NPNT: variants seen among roughly 807,000 people sequenced by gnomAD.
NPNT encodes the protein preosteoblast EGF-like repeat protein with MAM domain.
Under a neutral mutation model 68.6 loss-of-function variants are expected in NPNT, and 45 were observed. The observed-to-expected ratio is 0.66, with a 90% CI of 0.52 to 0.84. The LOEUF (loss-of-function observed/expected upper bound fraction) is 0.84, where lower values mean the gene tolerates loss of function less well. Ranked by LOEUF, NPNT falls within the 40% of genes least tolerant of loss-of-function variation. The pLI is 0.00. For missense variants in NPNT, 672 were observed against 714.8 expected, an observed-to-expected ratio of 0.94 and a Z score of 0.68; for synonymous variants, 233 against 253.3, an observed-to-expected ratio of 0.92 and a Z score of 0.76.
At position 105,946,736 on chromosome 4, in the gene NPNT, C is replaced by G. The variant is rs565233958; in HGVS notation, c.1159+4034C>G. Among the ~76,000 whole-genome samples, 108 of 152,224 alleles carry G rather than the reference C, an allele frequency of 7.1e-4. 1 individual carries two copies. The South Asian group carries it at 0.015, about 20-fold the overall frequency. ...ATCACATGCTTCTGAGGAAACAGGACAAGGGCAAAATCACAAACTCCTGAT... is the reference window on the plus strand; with the variant it reads ...ATCACATGCTTCTGAGGAAACAGGAGAAGGGCAAAATCACAAACTCCTGAT... On this transcript the variant is annotated intron_variant, in intron 8 of 11. Coordinates refer to ENST00000379987, the MANE Select transcript of NPNT (RefSeq NM_001033047.3).
intron 3 of NPNT, 34 bp downstream of exon 3, chr4:105,927,462 A>G (rs1351264554): frequency 7.8e-7 from 1 of 1,285,898 alleles, no homozygotes; most frequent in Non-Finnish European, 1.1e-6. Context: ...TACACAATCG[A>G]AGACACCTCT....
At chr4:105,920,395 T>TAAAAAAAAAAAAAAAAAA (rs11355483) in intron 2 of NPNT, among the ~76,000 whole-genome samples, 7 of 79,506 alleles carry the variant, frequency 8.8e-5, no homozygotes, top group African/African-American at 2.1e-4. Context: ...GTTACTCTAC[T>TAAAAAAAAAAAAAAAAAA]AAAAAAAAAA....
chr4:105,955,211 T>C (rs1346880866), intron 8 of NPNT, among the ~76,000 whole-genome samples: 2 of 152,206 alleles, frequency 1.3e-5, no homozygotes, highest in Non-Finnish European at 2.9e-5. Context: ...TTAAGTTGAA[T>C]ATTAGCCAAA....
chr4:105,950,898 C>T (rs1730779698), intron 8 of NPNT, among the ~76,000 whole-genome samples: 2 of 152,240 alleles, frequency 1.3e-5, no homozygotes, highest in Admixed American at 6.5e-5. Flanking sequence ...GCTGCGATTA[C>T]AGGCGTGAGG....
chr4:105,921,792 T>C (rs1432259454), intron 2 of NPNT, among the ~76,000 whole-genome samples: 6 of 152,182 alleles, frequency 3.9e-5, no homozygotes, highest in African/African-American at 1.4e-4. Context: ...GACTTTCCCT[T>C]TTCCAAGGCC....
At position 105,970,169 on chromosome 4, in the gene NPNT, T is replaced by G; in HGVS notation, c.*1179T>G. 1 of 510,546 alleles carries G rather than the reference T, an allele frequency of 2.0e-6. No individual in the cohort carries two copies. Among genetic ancestry groups the G allele is most frequent in the Non-Finnish European group, 3.5e-6 (1 of 282,678 alleles). The allele number at this position is 510,546 out of a possible 1,614,324, so 31.6% of individuals were successfully genotyped here. A position where few individuals can be genotyped will look rare whatever the true frequency, so the allele number is the denominator to read the frequency against. On this transcript the variant is annotated 3_prime_UTR_variant, in exon 12 of 12. Coordinates refer to ENST00000379987, the MANE Select transcript of NPNT (RefSeq NM_001033047.3). The stretch of plus-strand genomic sequence containing the variant: ...AGGATGGGATAGGAAGCAAGTCCCA[T>G]GCTTAGAGGCATGGGATGTGTTGGA...
At chr4:105,940,366 A>G in intron 6 of NPNT, 148 bp from the exon 7 acceptor site, 1 of 1,017,248 alleles carries the variant, frequency 9.8e-7, no homozygotes, top group Non-Finnish European at 1.5e-6. Flanking sequence ...TTCTCAGTCT[A>G]CATGTAGTTT....
chr4:105,938,147 C>T (rs1200685400), intron 4 of NPNT, among the ~76,000 whole-genome samples, 154 bp from the exon 5 acceptor site: 1 of 152,118 alleles, frequency 6.6e-6, no homozygotes, highest in African/African-American at 2.4e-5. Flanking sequence ...TTTCCTTCCC[C>T]CTTTTATTTT....
rs1344087660 is a variant in NPNT at position 105,895,628 on chromosome 4, T to C, written c.-25T>C. Reference sequence around the variant, plus strand: ...ACCTGTTCCTCGCGCGCCACTGCGCTGCGCCCCAGGACCCGCTGCCCAACA... The same window carrying C: ...ACCTGTTCCTCGCGCGCCACTGCGCCGCGCCCCAGGACCCGCTGCCCAACA... On this transcript the variant is annotated 5_prime_UTR_variant, in exon 1 of 12. Transcript: ENST00000379987. The C allele has an allele frequency of 1.3e-6, 2 of 1,546,290 alleles. No homozygotes were observed. Among genetic ancestry groups the C allele is most frequent in the South Asian group, 2.4e-5 (2 of 83,806 alleles).
Position 105,970,311 on chromosome 4 carries a change from T to TA in NPNT, c.*1325dup, listed in dbSNP as rs1732476978. On this transcript the variant is annotated 3_prime_UTR_variant, in exon 12 of 12. Transcript: ENST00000379987. ...ATATATTAAAAAACAATGTAACTTT[T>TA]AAAAGGCATCATTCCTGAGGTTTGT... is the stretch of plus-strand genomic sequence containing the variant. The TA allele has an allele frequency of 3.2e-6, 2 of 634,794 alleles. No individual in the cohort carries two copies. Among genetic ancestry groups the TA allele is most frequent in the Admixed American group, 5.3e-5 (2 of 37,426 alleles). The allele number at this position is 634,794 out of a possible 1,614,324, so 39.3% of individuals were successfully genotyped here. A position where few individuals can be genotyped will look rare whatever the true frequency, so the allele number is the denominator to read the frequency against.
At chr4:105,953,156 A>G (rs182675778) in intron 8 of NPNT, among the ~76,000 whole-genome samples, 2 of 152,138 alleles carry the variant, frequency 1.3e-5, no homozygotes, top group East Asian at 1.9e-4. Context: ...ACACAGCAAG[A>G]CTCTGTCTCA....
chr4:105,958,441 A>G lies in NPNT; in HGVS notation c.1160-30A>G, dbSNP rs772872861. 8 of 1,389,898 alleles carry G rather than the reference A, an allele frequency of 5.8e-6. No homozygotes were observed. The Middle Eastern group carries it at 7.0e-4, about 122-fold the overall frequency. The allele number at this position is 1,389,898 out of a possible 1,614,324, so 86.1% of individuals were successfully genotyped here. A position where few individuals can be genotyped will look rare whatever the true frequency, so the allele number is the denominator to read the frequency against. Reference sequence around the variant, plus strand: ...TTATCAATACTTCACACACACACACACACAAAAACTCAAAACCTTTCTCTT... The same window carrying G: ...TTATCAATACTTCACACACACACACGCACAAAAACTCAAAACCTTTCTCTT... On this transcript the variant is annotated intron_variant, in intron 8 of 11. Coordinates refer to ENST00000379987, the MANE Select transcript of NPNT (RefSeq NM_001033047.3).
rs115403842 is a variant in NPNT at position 105,917,953 on chromosome 4, A to G, written c.173-9383A>G. Among the ~76,000 whole-genome samples, 1,216 of 152,306 alleles carry G rather than the reference A, an allele frequency of 8.0e-3. 17 individuals carry two copies. The highest frequency in any genetic ancestry group is 0.028 in the African/African-American group (1,164 of 41,558). On this transcript the variant is annotated intron_variant, in intron 2 of 11. Transcript: ENST00000379987. ...GATGAGGAGCCAGTGAATGAGTATA[A>G]GGAGCAGAATGGCATGCTGAAATCA...
rs370136868 is a variant in NPNT, at chr4:105,942,612, A to C, written c.1069A>C (p.Ile357Leu). 2 of 1,614,030 alleles carry C rather than the reference A, an allele frequency of 1.2e-6. No individual in the cohort carries two copies. Among genetic ancestry groups the C allele is most frequent in the Non-Finnish European group, 1.7e-6 (2 of 1,179,978 alleles). Residue 357 changes from isoleucine to leucine, a missense_variant, in exon 8 of 12, where the codon ATA becomes CTA. By Grantham distance (5) the Ile-to-Leu change is conservative (BLOSUM62 2). Transcript: ENST00000379987. ...PERPTTGLTT[I>L]APAASTPPGG... ...AAGGCCAACCACCGGACTGACAACT[A>C]TAGCACCAGCTGCCAGTACACCTCC...
At chr4:105,937,321 G>A (rs543426972) in intron 4 of NPNT, among the ~76,000 whole-genome samples, 193 bp downstream of exon 4, 1 of 151,830 alleles carries the variant, frequency 6.6e-6, no homozygotes, top group Admixed American at 6.6e-5. Flanking sequence ...CTTCTATCAC[G>A]GGTGCCAATA....
At chr4:105,901,458 A>G (rs965372731) in intron 2 of NPNT, among the ~76,000 whole-genome samples, 6 of 152,226 alleles carry the variant, frequency 3.9e-5, no homozygotes, top group Non-Finnish European at 1.5e-5. Context: ...ATTTGACTGT[A>G]TATGTGGCTT....
At chr4:105,943,561 T>A (rs1376880864) in intron 8 of NPNT, among the ~76,000 whole-genome samples, 1 of 152,188 alleles carries the variant, frequency 6.6e-6, no homozygotes, top group African/African-American at 2.4e-5. Context: ...GATAGAGGAT[T>A]CAGGAAGAGA....
At position 105,940,224 on chromosome 4, in the gene NPNT, C is replaced by A. The variant is rs763071372; in HGVS notation, c.640+15C>A. On this transcript the variant is annotated intron_variant, in intron 6 of 11. Transcript: ENST00000379987. ...TCAATGTCATGGTAATGAAACCCAA[C>A]CATTGCTTTGTGTTGTTTCTTCCTA... is the stretch of plus-strand genomic sequence containing the variant. 6.2e-7 allele frequency: 1 copy of A among 1,611,336 alleles called. No homozygotes were observed. The highest frequency in any genetic ancestry group is 2.2e-5 in the East Asian group (1 of 44,836).
chr4:105,946,825 T>G (rs1051202692), intron 8 of NPNT, among the ~76,000 whole-genome samples: 1 of 152,160 alleles, frequency 6.6e-6, no homozygotes, highest in African/African-American at 2.4e-5. Flanking sequence ...GGTCTATGTT[T>G]AGTGGTGCAC....
Sources: allele counts gnomAD v4.1 joint callset (sites outside exome capture counted in the v4.1 genomes callset), GRCh38; gene constraint gnomAD v4.1.1; transcripts MANE v1.5; gene names NCBI Gene and HGNC (gene_info 2026-07-23, HGNC 2026-07-21).